Variants in CAGE1 observed in about 807,000 individuals in gnomAD.
CAGE1 encodes the protein cancer antigen 1.
Under a neutral mutation model 94.9 loss-of-function variants are expected in CAGE1, and 66 were observed. The observed-to-expected ratio is 0.70, with a 90% confidence interval of 0.57 to 0.85. The LOEUF (loss-of-function observed/expected upper bound fraction) is 0.85, where lower values mean the gene tolerates loss of function less well. Among genes scored for constraint, CAGE1 ranks in the 40% least tolerant of loss-of-function variants. CAGE1 has a pLI of 0.00. For synonymous variants in CAGE1, 319 were observed against 321.0 expected, an observed-to-expected ratio of 0.99 and a Z score of 0.07; for missense variants, 865 against 950.4, an observed-to-expected ratio of 0.91 and a Z score of 1.18.
chr6:7,345,099 A>C (rs890460429), intron 11 of CAGE1, among the ~76,000 whole-genome samples: 3 of 151,884 alleles, frequency 2.0e-5, no homozygotes, highest in African/African-American at 7.2e-5. Context: ...AGTAAATCTT[A>C]ACTCTTGTTG....
chr6:7,388,622 G>A, intron 1 of CAGE1, among the ~76,000 whole-genome samples: 1 of 152,138 alleles, frequency 6.6e-6, no homozygotes, highest in East Asian at 1.9e-4. Flanking sequence ...TTTCTATCAA[G>A]CTCTTTCAAT....
At chr6:7,338,689 C>G (rs1759053840) in intron 11 of CAGE1, 2 of 612,130 alleles carry the variant, frequency 3.3e-6, no homozygotes, top group Non-Finnish European at 5.8e-6. Flanking sequence ...AATTTGTAAT[C>G]TTTTATCCCT....
intron 11 of CAGE1, among the ~76,000 whole-genome samples, chr6:7,354,136 A>G (rs1482482880): frequency 2.0e-5 from 3 of 152,180 alleles, no homozygotes; most frequent in Non-Finnish European, 4.4e-5. Flanking sequence ...ACTGAGGCAA[A>G]GCAATATCAG....
intron 9 of CAGE1, among the ~76,000 whole-genome samples, chr6:7,356,953 C>T (rs1041957521): frequency 6.6e-6 from 1 of 152,178 alleles, no homozygotes; most frequent in African/African-American, 2.4e-5. Context: ...TGCGCCACCA[C>T]GCCCAGCTAA....
At position 7,339,700 on chromosome 6, in the gene CAGE1, G is replaced by C. The variant is rs1759098138; in HGVS notation, c.2370-5610C>G. On this transcript the variant is annotated intron_variant, in intron 11 of 13. Transcript: ENST00000502583. This position sits in a 1 kb window ranked among gnomAD's most constrained non-coding sequence, Gnocchi z 4.7. ...TTCCATTCCTGAGCTACTTCACTTA[G>C]AATAATGGTCTCCAATTCCATCTAA... 1.8e-6 allele frequency: 1 copy of C among 551,316 alleles called. No individual in the cohort carries two copies. The allele number at this position is 551,316 out of a possible 1,614,324, so 34.2% of individuals were successfully genotyped here. A position where few individuals can be genotyped will look rare whatever the true frequency, so the allele number is the denominator to read the frequency against.
chr6:7,386,320 A>G (rs1761119279), intron 2 of CAGE1, among the ~76,000 whole-genome samples: 3 of 152,226 alleles, frequency 2.0e-5, no homozygotes, highest in Non-Finnish European at 4.4e-5. Context: ...ACTGACTATC[A>G]AACGTTTAGC....
At chr6:7,352,306 C>CAAAAAA (rs796943772) in intron 11 of CAGE1, among the ~76,000 whole-genome samples, 4 of 103,974 alleles carry the variant, frequency 3.8e-5, no homozygotes, top group Non-Finnish European at 7.3e-5. Flanking sequence ...AAAAAAAAAA[C>CAAAAAA]AAAAAAAAAC....
In CAGE1 at chr6:7,389,202, C is replaced by T. The variant is rs1195576372; in HGVS notation, c.-24G>A. On this transcript the variant is annotated splice_region_variant and 5_prime_UTR_variant, in exon 1 of 14. Transcript: ENST00000502583. ...TTTTCAGTTGTAAGACAAACTTTAC[C>T]TTTTTAAAAAGCACTTATCTCATTC... 3 of 451,066 alleles carry T rather than the reference C, an allele frequency of 6.7e-6. No individual in the cohort carries two copies. 27.9% of individuals were successfully genotyped at this position (451,066 alleles called of 1,614,324 possible).
chr6:7,330,036 G>C (rs1343103608), intron 12 of CAGE1, 148 bp from the exon 13 acceptor site: 3 of 567,646 alleles, frequency 5.3e-6, no homozygotes, highest in African/African-American at 1.9e-5. Context: ...GAGACCCTCA[G>C]AGATTAAGAT....
At chr6:7,376,417 TAAATA>T (rs1366406573) in intron 4 of CAGE1, among the ~76,000 whole-genome samples, 1 of 150,514 alleles carries the variant, frequency 6.6e-6, no homozygotes, top group East Asian at 1.9e-4. Flanking sequence ...AATAAATAAA[TAAATA>T]AATAAATAAA....
At chr6:7,387,786 G>T (rs1761168801) in intron 1 of CAGE1, among the ~76,000 whole-genome samples, 1 of 150,876 alleles carries the variant, frequency 6.6e-6, no homozygotes, top group African/African-American at 2.4e-5. Flanking sequence ...TTGGGAGGCC[G>T]ACGCGGGCGG....
chr6:7,379,157 G>T, intron 3 of CAGE1, 137 bp from the exon 4 acceptor site: 2 of 564,224 alleles, frequency 3.5e-6, no homozygotes, highest in Non-Finnish European at 5.7e-6. Context: ...TTTACTGTGT[G>T]AATTTTAGCA....
intron 11 of CAGE1, among the ~76,000 whole-genome samples, chr6:7,352,009 CATAGTACTGGA>C (rs147592338): frequency 0.053 from 7,996 of 152,132 alleles, 351 homozygotes; most frequent in African/African-American, 0.12. Flanking sequence ...TTCTCTTCAA[CATAGTACTGGA>C]AGTCCTAGCC....
intron 11 of CAGE1, among the ~76,000 whole-genome samples, chr6:7,351,236 T>C (rs2764071): frequency 0.016 from 2,414 of 152,212 alleles, 88 homozygotes; most frequent in African/African-American, 0.055. Context: ...ACAACCTTCC[T>C]AGCTTAAATC....
chr6:7,358,413 T>C (rs1042579223), intron 9 of CAGE1, among the ~76,000 whole-genome samples: 3 of 152,174 alleles, frequency 2.0e-5, no homozygotes, highest in Admixed American at 6.5e-5. Flanking sequence ...AATGAATATA[T>C]ACAATGTATT....
In CAGE1 at chr6:7,341,242, C is replaced by T. The variant is rs1759162943; in HGVS notation, c.2370-7152G>A. The T allele has an allele frequency of 1.6e-5, 11 of 679,378 alleles. 1 individual carries two copies. Among genetic ancestry groups the T allele is most frequent in the South Asian group, 1.4e-4 (10 of 69,810 alleles). 42.1% of individuals were successfully genotyped at this position (679,378 alleles called of 1,614,324 possible). On this transcript the variant is annotated intron_variant, in intron 11 of 13. Transcript: ENST00000502583. ...GATGCCAGAGATACTGTGGAGGTAGCCAAAGGTGCTCACAGCAGAAGCCAT... is the reference window on the plus strand; with the variant it reads ...GATGCCAGAGATACTGTGGAGGTAGTCAAAGGTGCTCACAGCAGAAGCCAT...
At position 7,345,253 on chromosome 6, in the gene CAGE1, C is replaced by T. The variant is rs557779164; in HGVS notation, c.2369+9788G>A. 1.8e-4 allele frequency among the ~76,000 whole-genome samples: 28 copies of T among 152,272 alleles called. No homozygotes were observed. In the East Asian group the frequency reaches 2.3e-3, roughly 13 times the overall value. ...GCCTACCAAGAAGAAGGAACAACTC[C>T]AGACACGCTACCTTAAGAGTTGCAG... On this transcript the variant is annotated intron_variant, in intron 11 of 13. Transcript: ENST00000502583.
At chr6:7,352,326 A>T (rs1254831517) in intron 11 of CAGE1, among the ~76,000 whole-genome samples, 3 of 150,542 alleles carry the variant, frequency 2.0e-5, no homozygotes, top group African/African-American at 7.3e-5. Context: ...CAAAAAAAAA[A>T]AACCTAACCA....
At chr6:7,329,236 A>C in intron 13 of CAGE1, 1 of 402,028 alleles carries the variant, frequency 2.5e-6, no homozygotes, top group Admixed American at 4.4e-5. Flanking sequence ...CCCAGCCTGT[A>C]TCCTATAAAT....
Sources: allele counts gnomAD v4.1 joint callset (sites outside exome capture counted in the v4.1 genomes callset), GRCh38; gene constraint gnomAD v4.1.1; non-coding constraint Gnocchi (gnomAD v3.1); transcripts MANE v1.5; gene names NCBI Gene and HGNC (gene_info 2026-07-23, HGNC 2026-07-21).